The following RPS6KC1 variants were observed in gnomAD, a reference collection of about 807,000 sequenced individuals.
RPS6KC1 encodes the protein ribosomal protein S6 kinase C1.
In RPS6KC1, 54 loss-of-function variants were observed where a neutral mutation model predicts 103.8. The observed-to-expected ratio is 0.52, with a 90% confidence interval of 0.42 to 0.65. RPS6KC1 has a LOEUF of 0.65. Among genes scored for constraint, RPS6KC1 ranks in the 30% least tolerant of loss-of-function variants. The probability of loss-of-function intolerance (pLI) is 0.00; values close to 1 mark genes in which losing one functional copy is unlikely to be tolerated. For synonymous variants in RPS6KC1, 439 were observed against 438.7 expected, an observed-to-expected ratio of 1.00 and a Z score of -0.01; for missense variants, 1,151 against 1,253.8, an observed-to-expected ratio of 0.92 and a Z score of 1.24.
chr1:213,367,395 CT>C, the RPS6KC1 span, among the ~76,000 whole-genome samples: 1 of 152,210 alleles, frequency 6.6e-6, no homozygotes, highest in Non-Finnish European at 1.5e-5. Flanking sequence ...CCTCCGGCTG[CT>C]TTGTTTTCAA....
chr1:213,262,912 A>G, intron 14 of RPS6KC1, 96 bp downstream of exon 14: 1 of 784,874 alleles, frequency 1.3e-6, no homozygotes, highest in East Asian at 2.5e-5. Flanking sequence ...TTGGAGCAAG[A>G]AAAACCCATT....
the RPS6KC1 span, among the ~76,000 whole-genome samples, chr1:213,509,919 A>C: frequency 6.6e-6 from 1 of 152,174 alleles, no homozygotes; most frequent in Non-Finnish European, 1.5e-5. Flanking sequence ...TTTTCATTGA[A>C]TGAAGATGAA....
the RPS6KC1 span, among the ~76,000 whole-genome samples, chr1:213,633,353 G>A: frequency 2.6e-5 from 4 of 152,170 alleles, no homozygotes; most frequent in East Asian, 3.9e-4. Flanking sequence ...AGATTTCTCA[G>A]CAGAAACTCT....
chr1:213,694,926 G>A, the RPS6KC1 span, among the ~76,000 whole-genome samples: 3 of 152,280 alleles, frequency 2.0e-5, no homozygotes, highest in East Asian at 5.8e-4. Context: ...CAGAGAGATG[G>A]CAGCACAGAC....
chr1:213,315,981 ATTAC>A, the RPS6KC1 span, among the ~76,000 whole-genome samples: 1 of 152,230 alleles, frequency 6.6e-6, no homozygotes, highest in African/African-American at 2.4e-5. Flanking sequence ...CAAAGATGGT[ATTAC>A]TTCTTTATTC....
the RPS6KC1 span, among the ~76,000 whole-genome samples, chr1:213,578,887 G>A: frequency 6.6e-6 from 1 of 152,082 alleles, no homozygotes. Flanking sequence ...GAAGTCCCAT[G>A]TTGGGAAGGC....
chr1:213,544,265 G>C, the RPS6KC1 span, among the ~76,000 whole-genome samples: 1 of 152,152 alleles, frequency 6.6e-6, no homozygotes, highest in African/African-American at 2.4e-5. Flanking sequence ...GGAGAGGGCA[G>C]GGTGGTACTT....
At chr1:213,599,118 G>T in the RPS6KC1 span, among the ~76,000 whole-genome samples, 4 of 152,052 alleles carry the variant, frequency 2.6e-5, no homozygotes, top group Non-Finnish European at 5.9e-5. Context: ...TCCCTGTGTG[G>T]TATTTATCAG....
At chr1:213,107,785 C>T (rs543296999) in intron 4 of RPS6KC1, among the ~76,000 whole-genome samples, 1 of 152,292 alleles carries the variant, frequency 6.6e-6, no homozygotes, top group Non-Finnish European at 1.5e-5. Context: ...TCCACAACCT[C>T]ACCAACACTT....
chr1:213,199,325 A>AGGTTG (rs2093065837), intron 8 of RPS6KC1, among the ~76,000 whole-genome samples: 2 of 152,192 alleles, frequency 1.3e-5, no homozygotes, highest in South Asian at 4.1e-4. Flanking sequence ...CTGGGATATA[A>AGGTTG]GGTTGGTTCA....
chr1:213,456,941 G>A, the RPS6KC1 span, among the ~76,000 whole-genome samples: 1 of 151,930 alleles, frequency 6.6e-6, no homozygotes, highest in Non-Finnish European at 1.5e-5. Context: ...ATTTTTGGGG[G>A]GTTTCATATT....
At chr1:213,363,694 CTTTCTTTCCTTCT>C in the RPS6KC1 span, among the ~76,000 whole-genome samples, 20 of 96,432 alleles carry the variant, frequency 2.1e-4, no homozygotes, top group East Asian at 1.3e-3. Flanking sequence ...TTCTTTCTTT[CTTTCTTTCCTTCT>C]TTCTTTCTTT....
chr1:213,712,797 G>A, the RPS6KC1 span, among the ~76,000 whole-genome samples: 22 of 152,182 alleles, frequency 1.4e-4, no homozygotes, highest in Non-Finnish European at 3.1e-4. Context: ...CTTCCCTGGT[G>A]AGGCAATACC....
the RPS6KC1 span, among the ~76,000 whole-genome samples, chr1:213,497,605 T>C: frequency 6.6e-6 from 1 of 152,198 alleles, no homozygotes; most frequent in Non-Finnish European, 1.5e-5. Flanking sequence ...TTGTCTTAAA[T>C]GGTTTTAGTA....
At chr1:213,736,008 C>A in the RPS6KC1 span, among the ~76,000 whole-genome samples, 1 of 152,134 alleles carries the variant, frequency 6.6e-6, no homozygotes, top group Non-Finnish European at 1.5e-5. Context: ...GCCTTAACAC[C>A]CGCTGGCTCT....
the RPS6KC1 span, among the ~76,000 whole-genome samples, chr1:213,560,285 G>A: frequency 6.6e-6 from 1 of 152,110 alleles, no homozygotes; most frequent in Non-Finnish European, 1.5e-5. Flanking sequence ...TATTCACCTG[G>A]CCCCTTTAAA....
chr1:213,118,185 C>G (rs966204636), intron 5 of RPS6KC1, among the ~76,000 whole-genome samples: 2 of 151,816 alleles, frequency 1.3e-5, no homozygotes, highest in South Asian at 4.1e-4. Context: ...GAGTCTAAAT[C>G]AAGTTTTAAT....
chr1:213,222,793 T>C (rs2093867990), intron 8 of RPS6KC1, among the ~76,000 whole-genome samples: 1 of 152,204 alleles, frequency 6.6e-6, no homozygotes, highest in Non-Finnish European at 1.5e-5. Context: ...TAACATTTGA[T>C]AATTATGCAT....
the RPS6KC1 span, among the ~76,000 whole-genome samples, chr1:213,790,095 T>C: frequency 6.6e-6 from 1 of 152,202 alleles, no homozygotes. Context: ...GAGGAGAGTT[T>C]CTGGGAAGGG....
Sources: gnomAD v4.1 joint callset for allele counts (sites outside exome capture counted in the v4.1 genomes callset) on GRCh38, gnomAD v4.1.1 for gene constraint, MANE v1.5 for transcripts, NCBI Gene and HGNC (gene_info 2026-07-23, HGNC 2026-07-21) for gene names.